Variants in CATSPERB observed in about 807,000 individuals in gnomAD.
CATSPERB encodes cation channel sperm-associated auxiliary subunit beta.
Under a neutral mutation model 128.3 loss-of-function variants are expected in CATSPERB, and 93 were observed. The observed-to-expected ratio is 0.72, with a 90% CI of 0.61 to 0.86. The LOEUF (loss-of-function observed/expected upper bound fraction) is 0.86, where lower values mean the gene tolerates loss of function less well. Ranked by LOEUF, CATSPERB falls within the 40% of genes least tolerant of loss-of-function variation. CATSPERB has a pLI of 0.00. For synonymous variants in CATSPERB, 381 were observed against 448.8 expected (o/e 0.85, Z 1.91); for missense variants, 1,153 against 1,329.5 (o/e 0.87, Z 2.06).
At chr14:91,597,169 C>G (rs151219851) in intron 22 of CATSPERB, among the ~76,000 whole-genome samples, 1 of 152,058 alleles carries the variant, frequency 6.6e-6, no homozygotes, top group African/African-American at 2.4e-5. Flanking sequence ...GGATTACAGG[C>G]GTGAACCACA....
intron 19 of CATSPERB, among the ~76,000 whole-genome samples, chr14:91,619,861 TTG>T (rs55687285): frequency 0.092 from 12,741 of 138,790 alleles, 575 homozygotes; most frequent in East Asian, 0.16. Context: ...TGTAATAAAA[TTG>T]TGTGTGTGTG....
Position 91,704,578 on chromosome 14 carries a change from C to A in CATSPERB, c.590G>T (p.Gly197Val), listed in dbSNP as rs780977498. The change falls in exon 7 of 27, where the codon GGC becomes GTC. Residue 197 changes from glycine to valine, a missense_variant. By Grantham distance (109) the Gly-to-Val change is moderately radical. Coordinates refer to ENST00000256343, the MANE Select transcript of CATSPERB (RefSeq NM_024764.4). ...CPCANDVALL[G>V]FIVDTIVDGV... ...ATCAACTATTGTATCCACAATGAAGCCTAGTAATGCCACATCATTGGCACA... is the reference window on the plus strand; with the variant it reads ...ATCAACTATTGTATCCACAATGAAGACTAGTAATGCCACATCATTGGCACA... 3.1e-6 allele frequency: 5 copies of A among 1,613,540 alleles called. No individual in the cohort carries two copies. In the Admixed American group the frequency reaches 6.7e-5, roughly 22 times the overall value.
chr14:91,605,120 T>A (rs1893676519), intron 22 of CATSPERB: 1 of 1,268,080 alleles, frequency 7.9e-7, no homozygotes, highest in Non-Finnish European at 1.2e-6. Context: ...GGTGGAAGAA[T>A]CAGGGCTGTC....
chr14:91,657,414 G>A (rs757421361), intron 15 of CATSPERB, among the ~76,000 whole-genome samples: 6 of 151,718 alleles, frequency 4.0e-5, no homozygotes, highest in Non-Finnish European at 7.4e-5. Flanking sequence ...ACTATAAAAC[G>A]ACTAAAAGAA....
In CATSPERB at chr14:91,624,900, ACTT is replaced by A. The variant is rs746289917; in HGVS notation, c.1847_1849del (p.Glu616del). The A allele has an allele frequency of 1.1e-5, 17 of 1,613,000 alleles. No homozygotes were observed. The South Asian group carries it at 1.9e-4, about 18-fold the overall frequency. On this transcript the variant is annotated inframe_deletion, in exon 18 of 27. Coordinates refer to ENST00000256343, the MANE Select transcript of CATSPERB (RefSeq NM_024764.4). ...ACTAGACAAACAAGAGCTCTCATTC[ACTT>A]CTTCTAATCCAAAGGGCTCTTTCAT...
intron 17 of CATSPERB, 141 bp downstream of exon 17, chr14:91,636,284 G>A: frequency 1.4e-6 from 1 of 712,966 alleles, no homozygotes; most frequent in South Asian, 2.0e-5. Flanking sequence ...CATTGCTTGA[G>A]CCTGGGAGAT....
rs1893335697 is a variant in CATSPERB, at chr14:91,588,095, CAT to C, written c.2957-19_2957-18del. 1 of 1,483,734 alleles carries C rather than the reference CAT, an allele frequency of 6.7e-7. No homozygotes were observed. The highest frequency in any genetic ancestry group is 1.4e-5 in the African/African-American group (1 of 72,408). 91.9% of individuals were successfully genotyped at this position (1,483,734 alleles called of 1,614,324 possible). On this transcript the variant is annotated intron_variant, in intron 24 of 26. Coordinates refer to ENST00000256343, the MANE Select transcript of CATSPERB (RefSeq NM_024764.4). ...CAGTGTGTTCTAAAAATACATAAAA[CAT>C]ATTTTAAGCACACTTATTTTTCTCA...
intron 17 of CATSPERB, among the ~76,000 whole-genome samples, chr14:91,628,751 G>A (rs954774400): frequency 4.6e-5 from 7 of 152,114 alleles, no homozygotes; most frequent in Non-Finnish European, 8.8e-5. Flanking sequence ...CCAGTTTCAG[G>A]TATTTCTTTA....
At chr14:91,647,719 C>T (rs1222031097) in intron 15 of CATSPERB, among the ~76,000 whole-genome samples, 1 of 152,130 alleles carries the variant, frequency 6.6e-6, no homozygotes, top group Non-Finnish European at 1.5e-5. Flanking sequence ...CGGGAAAGGC[C>T]TGCCCCCATG....
chr14:91,591,348 C>T (rs1052801342), intron 23 of CATSPERB, among the ~76,000 whole-genome samples: 1 of 152,082 alleles, frequency 6.6e-6, no homozygotes, highest in African/African-American at 2.4e-5. Flanking sequence ...AGCCACCACA[C>T]CCGGCCCCAA....
chr14:91,693,460 G>T lies in CATSPERB; in HGVS notation c.636C>A (p.Thr212=). 5 of 1,613,848 alleles carry T rather than the reference G, an allele frequency of 3.1e-6. No homozygotes were observed. Among genetic ancestry groups the T allele is most frequent in the Non-Finnish European group, 4.2e-6 (5 of 1,179,826 alleles). ...CATAATCATGCCAGAATCCACCAAAGGTTATGCCTATGTAAACACCTACCA... is the reference window on the plus strand; with the variant it reads ...CATAATCATGCCAGAATCCACCAAATGTTATGCCTATGTAAACACCTACCA... ...TIVDGVYIGI[T]FGGFWHDYDT... The change falls in exon 8 of 27, where the codon ACC becomes ACA. Residue 212 remains threonine (T), a synonymous_variant. Coordinates refer to ENST00000256343, the MANE Select transcript of CATSPERB (RefSeq NM_024764.4).
At chr14:91,646,588 C>T (rs1894610840) in intron 15 of CATSPERB, among the ~76,000 whole-genome samples, 1 of 152,228 alleles carries the variant, frequency 6.6e-6, no homozygotes, top group African/African-American at 2.4e-5. Flanking sequence ...ATTCCAGTCC[C>T]TCTCTGACCT....
At chr14:91,656,693 T>C (rs1262478173) in intron 15 of CATSPERB, among the ~76,000 whole-genome samples, 1 of 152,000 alleles carries the variant, frequency 6.6e-6, no homozygotes, top group Non-Finnish European at 1.5e-5. Flanking sequence ...GACTAAACTC[T>C]CCAATCAAAA....
chr14:91,717,631 CCTG>C (rs1287599234), intron 5 of CATSPERB, among the ~76,000 whole-genome samples: 3 of 152,128 alleles, frequency 2.0e-5, no homozygotes, highest in African/African-American at 7.2e-5. Flanking sequence ...ATAAATGCTG[CCTG>C]CTATTTCTAC....
chr14:91,670,018 C>T lies in CATSPERB; in HGVS notation c.1129-46G>A, dbSNP rs766822581. On this transcript the variant is annotated intron_variant, in intron 13 of 26. Transcript: ENST00000256343. ...CAAGTCATAAGACTAGTCTGTGTTA[C>T]AAATTTTAGAATTTCCTGTTACTTG... The T allele has an allele frequency of 5.8e-6, 9 of 1,543,128 alleles. No homozygotes were observed. The South Asian group carries it at 8.4e-5, about 14-fold the overall frequency.
At chr14:91,584,973 G>A (rs115581383) in intron 26 of CATSPERB, among the ~76,000 whole-genome samples, 1,975 of 151,806 alleles carry the variant, frequency 0.013, 28 homozygotes, top group African/African-American at 0.034. Context: ...AGGCTTTTCC[G>A]TCTTTATTTC....
chr14:91,602,542 C>T (rs1015208244), intron 22 of CATSPERB, among the ~76,000 whole-genome samples: 1 of 151,796 alleles, frequency 6.6e-6, no homozygotes, highest in Non-Finnish European at 1.5e-5. Flanking sequence ...AGAGAGATGG[C>T]AGAAGGGTTT....
chr14:91,601,310 T>C (rs1400990600), intron 22 of CATSPERB, among the ~76,000 whole-genome samples: 2 of 152,244 alleles, frequency 1.3e-5, no homozygotes, highest in Non-Finnish European at 2.9e-5. Context: ...ACTTTTTCTC[T>C]AATTTTCCAC....
intron 22 of CATSPERB, among the ~76,000 whole-genome samples, chr14:91,606,727 A>G (rs2139773479): frequency 6.6e-6 from 1 of 152,312 alleles, no homozygotes; most frequent in African/African-American, 2.4e-5. Context: ...TACCATGCTT[A>G]TCTTGTGCAT....
Sources: gnomAD v4.1 joint callset for allele counts (sites outside exome capture counted in the v4.1 genomes callset) on GRCh38, gnomAD v4.1.1 for gene constraint, MANE v1.5 for transcripts, NCBI Gene and HGNC (gene_info 2026-07-23, HGNC 2026-07-21) for gene names.